The following SLIT3 variants were observed in gnomAD, a reference collection of about 807,000 sequenced individuals.
SLIT3 encodes the protein slit guidance ligand 3.
Under a neutral mutation model 184.0 loss-of-function variants are expected in SLIT3, and 68 were observed. The observed-to-expected ratio is 0.37, with a 90% confidence interval of 0.30 to 0.45. The LOEUF is 0.45. SLIT3 is among the 20% of genes least tolerant of loss of function. SLIT3 has a pLI of 1.00. For missense variants in SLIT3, 1,707 were observed against 2,026.0 expected (o/e 0.84, Z 3.02); for synonymous variants, 831 against 828.6 (o/e 1.00, Z -0.05).
intron 4 of SLIT3, among the ~76,000 whole-genome samples, chr5:168,997,580 AT>A (rs1280547013): frequency 6.6e-6 from 1 of 152,124 alleles, no homozygotes; most frequent in African/African-American, 2.4e-5. Context: ...CTTGCCCCAA[AT>A]TCCCTTTCTC....
At chr5:168,806,698 G>T (rs1756976117) in intron 8 of SLIT3, 111 bp from the exon 9 acceptor site, 9 of 1,247,574 alleles carry the variant, frequency 7.2e-6, no homozygotes, top group South Asian at 5.7e-5. Flanking sequence ...AGCCATCTGA[G>T]AAATGATCAC....
At chr5:169,252,379 T>C (rs1262866809) in intron 1 of SLIT3, among the ~76,000 whole-genome samples, 1 of 152,140 alleles carries the variant, frequency 6.6e-6, no homozygotes, top group East Asian at 1.9e-4. Context: ...GGATTTGCCA[T>C]AGAAGAGCTG....
chr5:169,063,544 C>G (rs1177744048), intron 4 of SLIT3, among the ~76,000 whole-genome samples: 1 of 152,196 alleles, frequency 6.6e-6, no homozygotes. Context: ...GTCTTTACAC[C>G]CTGCTGGGGA....
intron 2 of SLIT3, among the ~76,000 whole-genome samples, chr5:169,249,924 A>C (rs969227731): frequency 1.3e-5 from 2 of 152,258 alleles, no homozygotes; most frequent in Non-Finnish European, 2.9e-5. Context: ...GAGTCCCAGG[A>C]TTCAGATTCC....
chr5:169,142,608 G>T (rs939666046), intron 4 of SLIT3, among the ~76,000 whole-genome samples: 28 of 152,216 alleles, frequency 1.8e-4, no homozygotes, highest in African/African-American at 6.3e-4. Context: ...GCACTTGCAT[G>T]GCTGGCCAAG....
At chr5:168,712,492 C>G (rs952335664) in intron 23 of SLIT3, 138 bp from the exon 24 acceptor site, 16 of 711,616 alleles carry the variant, frequency 2.2e-5, no homozygotes, top group African/African-American at 3.5e-5. Flanking sequence ...GCTGCTGCCC[C>G]CTTTGCTCTG....
At chr5:168,791,595 A>G (rs1193808347) in intron 10 of SLIT3, 1 of 152,194 alleles carries the variant, frequency 6.6e-6, no homozygotes, top group Non-Finnish European at 1.5e-5. Flanking sequence ...TCACTACTGT[A>G]CTCAACTAGT....
chr5:168,812,293 T>G (rs1757184081), intron 8 of SLIT3, among the ~76,000 whole-genome samples: 2 of 152,180 alleles, frequency 1.3e-5, no homozygotes, highest in South Asian at 4.1e-4. Context: ...TAGTGCCCAG[T>G]AGGGTGACTA....
chr5:169,008,867 G>T (rs1469900068), intron 4 of SLIT3, among the ~76,000 whole-genome samples: 1 of 152,132 alleles, frequency 6.6e-6, no homozygotes, highest in African/African-American at 2.4e-5. Flanking sequence ...TCCAGGTACT[G>T]CAGCAAACAC....
At chr5:169,243,219 G>A (rs1048265230) in intron 3 of SLIT3, among the ~76,000 whole-genome samples, 1 of 152,094 alleles carries the variant, frequency 6.6e-6, no homozygotes, top group Non-Finnish European at 1.5e-5. Flanking sequence ...TTAATGAATT[G>A]GGAATTGTTT....
intron 4 of SLIT3, among the ~76,000 whole-genome samples, chr5:169,128,720 G>T (rs72832195): frequency 1.3e-5 from 2 of 151,964 alleles, no homozygotes; most frequent in African/African-American, 4.8e-5. Context: ...GTGAGCCACC[G>T]CGCCCAGCCT....
intron 4 of SLIT3, among the ~76,000 whole-genome samples, chr5:169,104,329 T>G (rs1001945286): frequency 1.3e-5 from 2 of 152,144 alleles, no homozygotes; most frequent in Non-Finnish European, 2.9e-5. Context: ...AAGAAATAAA[T>G]AAGCCCACGC....
intron 4 of SLIT3, among the ~76,000 whole-genome samples, chr5:169,067,111 AG>A (rs1368329336): frequency 2.0e-5 from 3 of 152,216 alleles, no homozygotes; most frequent in Non-Finnish European, 4.4e-5. Flanking sequence ...AAAAAGGTAA[AG>A]AATGACGGAC....
intron 15 of SLIT3, among the ~76,000 whole-genome samples, chr5:168,761,920 A>ATTTC (rs546743393): frequency 8.7e-6 from 1 of 115,516 alleles, no homozygotes; most frequent in Non-Finnish European, 1.7e-5. Context: ...AAAAAAAAAA[A>ATTTC]ATTTTTTTTT....
intron 34 of SLIT3, 57 bp from the exon 35 acceptor site, chr5:168,670,048 A>G (rs1009211290): frequency 2.7e-6 from 4 of 1,489,862 alleles, no homozygotes; most frequent in African/African-American, 2.8e-5. Context: ...GCTGCTGGGG[A>G]CTCCCTCTGT....
intron 4 of SLIT3, chr5:169,120,266 T>A (rs1308580352): frequency 6.6e-6 from 1 of 152,174 alleles, no homozygotes; most frequent in Non-Finnish European, 1.5e-5. Context: ...TCTATCTTCC[T>A]CATAATAGTT....
chr5:168,765,913 GC>G (rs542418998), intron 14 of SLIT3, among the ~76,000 whole-genome samples: 2 of 151,872 alleles, frequency 1.3e-5, no homozygotes, highest in Non-Finnish European at 2.9e-5. Flanking sequence ...TCACAGACAA[GC>G]TTTAATAGAC....
At chr5:169,066,023 G>A (rs1376985957) in intron 4 of SLIT3, among the ~76,000 whole-genome samples, 1 of 152,196 alleles carries the variant, frequency 6.6e-6, no homozygotes, top group Non-Finnish European at 1.5e-5. Context: ...AAGAAACTGA[G>A]CCTCAGAGAG....
chr5:169,046,180 G>A (rs566693043), intron 4 of SLIT3, among the ~76,000 whole-genome samples: 2 of 152,246 alleles, frequency 1.3e-5, no homozygotes, highest in South Asian at 4.2e-4. Flanking sequence ...TAAAGAGGTG[G>A]TATTGCCTAG....
Sources: gnomAD v4.1 joint callset for allele counts (sites outside exome capture counted in the v4.1 genomes callset) on GRCh38, gnomAD v4.1.1 for gene constraint, MANE v1.5 for transcripts, NCBI Gene and HGNC (gene_info 2026-07-23, HGNC 2026-07-21) for gene names.